ZNF143: variants seen among roughly 807,000 people sequenced by gnomAD.
The protein encoded by ZNF143 is SPH-binding factor.
Under a neutral mutation model 74.1 loss-of-function variants are expected in ZNF143, and 49 were observed. The ratio of observed to expected loss-of-function variants is 0.66; its 90% CI spans 0.53 to 0.84. The LOEUF is 0.84. Ranked by LOEUF, ZNF143 falls within the 40% of genes least tolerant of loss-of-function variation. ZNF143 has a pLI of 0.00. For synonymous variants in ZNF143, 304 were observed against 282.8 expected, an observed-to-expected ratio of 1.07 and a Z score of -0.75; for missense variants, 637 against 793.4, an observed-to-expected ratio of 0.80 and a Z score of 2.37.
At chr11:9,519,806 T>TCCAAAGTG (rs986159064) in intron 14 of ZNF143, among the ~76,000 whole-genome samples, 13 of 152,136 alleles carry the variant, frequency 8.5e-5, no homozygotes, top group African/African-American at 2.7e-4. Context: ...CAAACAATTC[T>TCCAAAGTG]CCAAAGTGGC....
intron 7 of ZNF143, among the ~76,000 whole-genome samples, chr11:9,480,742 C>T (rs550727452): frequency 1.4e-4 from 22 of 151,826 alleles, no homozygotes; most frequent in Non-Finnish European, 2.6e-4. Flanking sequence ...AAAAAATTAG[C>T]CAGGTGTGGT....
rs772765113 is a variant in ZNF143, at chr11:9,494,708, A to G, written c.708A>G (p.Ala236=). 9.9e-6 allele frequency: 16 copies of G among 1,613,808 alleles called. No individual in the cohort carries two copies. The Admixed American group carries it at 2.7e-4, about 27-fold the overall frequency. ...TAKSQQSGEK[A]FRCEYDGCGK... ...AATCTCAACAGAGTGGAGAGAAGGC[A>G]TTTCGATGTGAATATGATGGATGTG... Residue 236 remains alanine (A), a synonymous_variant, in exon 8 of 16, where the codon GCA becomes GCG. Coordinates refer to ENST00000396602, the MANE Select transcript of ZNF143 (RefSeq NM_003442.6).
rs149652892 is a variant in ZNF143 at position 9,511,361 on chromosome 11, A to G, written c.1376-1087A>G. ...GCCCAGGCTGGAGTGCAGTGGTGCA[A>G]TCTCGGCTCACTGCAAGCTCCGCCT... On this transcript the variant is annotated intron_variant, in intron 12 of 15. Transcript: ENST00000396602. Among the ~76,000 whole-genome samples, 539 of 151,390 alleles carry G rather than the reference A, an allele frequency of 3.6e-3. 3 individuals are homozygous for G. The highest frequency in any genetic ancestry group is 0.012 in the African/African-American group (505 of 41,242).
At chr11:9,466,679 C>A (rs561218964) in intron 1 of ZNF143, among the ~76,000 whole-genome samples, 1 of 152,062 alleles carries the variant, frequency 6.6e-6, no homozygotes, top group East Asian at 1.9e-4. Context: ...GGCCTCAAGC[C>A]GTCTTCCCTC....
intron 14 of ZNF143, among the ~76,000 whole-genome samples, chr11:9,523,033 T>A (rs1286203665): frequency 1.3e-5 from 2 of 152,108 alleles, no homozygotes; most frequent in Non-Finnish European, 2.9e-5. Flanking sequence ...CCTCCCAAAG[T>A]GCTAGGATTA....
At chr11:9,498,786 G>A (rs1348388808) in intron 10 of ZNF143, among the ~76,000 whole-genome samples, 5 of 152,192 alleles carry the variant, frequency 3.3e-5, no homozygotes, top group Admixed American at 2.0e-4. Flanking sequence ...TAAACGTGGT[G>A]TGATAACTGT....
intron 14 of ZNF143, among the ~76,000 whole-genome samples, chr11:9,523,020 C>T (rs1266933841): frequency 3.3e-5 from 5 of 151,846 alleles, no homozygotes; most frequent in Admixed American, 2.6e-4. Flanking sequence ...CCACCCACCT[C>T]GGCCTCCCAA....
chr11:9,497,455 T>A (rs1426752930), intron 9 of ZNF143, among the ~76,000 whole-genome samples: 1 of 152,152 alleles, frequency 6.6e-6, no homozygotes, highest in East Asian at 1.9e-4. Context: ...GAGCTCGAAC[T>A]CCTGACTTCA....
At chr11:9,488,502 T>C (rs1042930324) in intron 7 of ZNF143, among the ~76,000 whole-genome samples, 2 of 152,164 alleles carry the variant, frequency 1.3e-5, no homozygotes, top group Non-Finnish European at 2.9e-5. Context: ...GACCATACTA[T>C]TCCTTCTGCC....
At chr11:9,482,279 T>G (rs1847274697) in intron 7 of ZNF143, among the ~76,000 whole-genome samples, 1 of 133,180 alleles carries the variant, frequency 7.5e-6, no homozygotes, top group Non-Finnish European at 1.6e-5. Context: ...CCCAACTCTT[T>G]TTTTTTTTTA....
chr11:9,508,476 T>C (rs1198533170), intron 11 of ZNF143, 143 bp from the exon 12 acceptor site: 1 of 708,178 alleles, frequency 1.4e-6, no homozygotes, highest in Non-Finnish European at 2.3e-6. Context: ...GGGAATCTTT[T>C]CTTGTGTGCT....
intron 1 of ZNF143, among the ~76,000 whole-genome samples, chr11:9,470,824 G>A (rs1412416780): frequency 6.6e-6 from 1 of 152,068 alleles, no homozygotes; most frequent in African/African-American, 2.4e-5. Flanking sequence ...GGAGAAGCAG[G>A]GAAATAAGTT....
Position 9,511,908 on chromosome 11 carries a change from T to C in ZNF143, c.1376-540T>C, listed in dbSNP as rs571840540. 1.8e-4 allele frequency among the ~76,000 whole-genome samples: 27 copies of C among 151,472 alleles called. 1 individual carries two copies. In the South Asian group the frequency reaches 5.7e-3, roughly 32 times the overall value. On this transcript the variant is annotated intron_variant, in intron 12 of 15. Coordinates refer to ENST00000396602, the MANE Select transcript of ZNF143 (RefSeq NM_003442.6). ...CTGGGACTACAGGCGCCCGCCACCA[T>C]GACCAGCTAATTTTTTGTATTTTTA...
intron 5 of ZNF143, among the ~76,000 whole-genome samples, chr11:9,478,078 G>A (rs998914139): frequency 2.0e-5 from 3 of 152,124 alleles, no homozygotes; most frequent in Admixed American, 1.3e-4. Context: ...CGCCCGCCTC[G>A]GCCTCCCAGA....
In ZNF143 at chr11:9,512,588, A is replaced by C. The variant is rs772917294; in HGVS notation, c.1516A>C (p.Thr506Pro). 8 of 1,614,164 alleles carry C rather than the reference A, an allele frequency of 5.0e-6. No individual in the cohort carries two copies. Among genetic ancestry groups the C allele is most frequent in the Non-Finnish European group, 5.9e-6 (7 of 1,180,020 alleles). The stretch of plus-strand genomic sequence containing the variant: ...AGTTACACTCATATCCCAGGATGGG[A>C]CTCAGCATGTAAGTATCCACCAAAA... ...QQVTLISQDGTQHVNISQADM... is the reference protein window; with the variant it reads ...QQVTLISQDGPQHVNISQADM... Residue 506 changes from threonine to proline, a missense_variant, in exon 13 of 16, where the codon ACT becomes CCT. Thr to Pro is a conservative substitution (Grantham distance 38). This residue lies in a region of ZNF143 where 344 missense variants were observed against 485.6 expected (regional missense o/e 0.71). Transcript: ENST00000396602.
chr11:9,525,541 T>A, intron 15 of ZNF143, 155 bp downstream of exon 15: 3 of 997,978 alleles, frequency 3.0e-6, no homozygotes, highest in Non-Finnish European at 4.6e-6. Flanking sequence ...GTATTTGAGG[T>A]GGACTCAAAA....
At chr11:9,520,154 G>A (rs1223614833) in intron 14 of ZNF143, among the ~76,000 whole-genome samples, 1 of 146,218 alleles carries the variant, frequency 6.8e-6, no homozygotes, top group Non-Finnish European at 1.5e-5. Flanking sequence ...CTCCTGCCTC[G>A]GCCTCCTTAG....
At chr11:9,491,570 C>T (rs927294908) in intron 7 of ZNF143, among the ~76,000 whole-genome samples, 4 of 151,592 alleles carry the variant, frequency 2.6e-5, no homozygotes, top group Non-Finnish European at 4.4e-5. Flanking sequence ...ACTTGGGAGG[C>T]GGAGCTACAG....
intron 7 of ZNF143, among the ~76,000 whole-genome samples, chr11:9,486,409 TA>T (rs1565039091): frequency 1.6e-4 from 4 of 25,122 alleles, no homozygotes; most frequent in Admixed American, 8.5e-4. Context: ...ATATTATATA[TA>T]TAATATATAT....
Sources: gnomAD v4.1 joint callset for allele counts (sites outside exome capture counted in the v4.1 genomes callset) on GRCh38, gnomAD v4.1.1 for gene constraint, gnomAD v4.1.1 regional missense constraint, MANE v1.5 for transcripts, NCBI Gene and HGNC (gene_info 2026-07-23, HGNC 2026-07-21) for gene names.